The following DDX5 variants were observed in gnomAD, a reference collection of about 807,000 sequenced individuals.
DDX5 encodes the protein DEAD-box helicase 5.
DDX5 carries 6 observed loss-of-function variants against 68.6 expected under a neutral mutation model. The ratio of observed to expected loss-of-function variants is 0.09; its 90% CI spans 0.05 to 0.17. The LOEUF (loss-of-function observed/expected upper bound fraction) is 0.17, where lower values mean the gene tolerates loss of function less well. Among genes scored for constraint, DDX5 ranks in the 10% least tolerant of loss-of-function variants. The pLI is 1.00. For synonymous variants in DDX5, 350 were observed against 247.0 expected, an observed-to-expected ratio of 1.42 and a Z score of -3.91; for missense variants, 499 against 756.1, an observed-to-expected ratio of 0.66 and a Z score of 3.99.
intron 11 of DDX5, chr17:64,500,988 C>A: frequency 1.7e-6 from 1 of 578,146 alleles, no homozygotes; most frequent in Non-Finnish European, 3.1e-6. Context: ...ATCACCCACC[C>A]AGTGACAGAC....
chr17:64,503,737 C>A, intron 5 of DDX5, 66 bp downstream of exon 5: 1 of 1,556,718 alleles, frequency 6.4e-7, no homozygotes. Flanking sequence ...ATGATTACAT[C>A]TTTAGCTATG....
chr17:64,503,420 C>G lies in DDX5; in HGVS notation c.649+10G>C. 6.2e-7 allele frequency: 1 copy of G among 1,614,072 alleles called. No homozygotes were observed. The highest frequency in any genetic ancestry group is 8.5e-7 in the Non-Finnish European group (1 of 1,179,966). ...CACCAATGACAAATAAAACCCTTTTCATTACATACCTCTCTCCAAATCACG... is the reference window on the plus strand; with the variant it reads ...CACCAATGACAAATAAAACCCTTTTGATTACATACCTCTCTCCAAATCACG... On this transcript the variant is annotated intron_variant, in intron 6 of 12. Transcript: ENST00000225792.
Position 64,503,963 on chromosome 17 carries a change from A to C in DDX5, c.441+20T>G. The C allele has an allele frequency of 6.2e-7, 1 of 1,614,136 alleles. No homozygotes were observed. Among genetic ancestry groups the C allele is most frequent in the Non-Finnish European group, 8.5e-7 (1 of 1,180,014 alleles). On this transcript the variant is annotated intron_variant, in intron 4 of 12. Transcript: ENST00000225792. ...TTTCTTGCATATATCAGATCAACTCAAGAGTTCTCCCAAACTTACAGACAA... is the reference window on the plus strand; with the variant it reads ...TTTCTTGCATATATCAGATCAACTCCAGAGTTCTCCCAAACTTACAGACAA...
At chr17:64,504,968 T>C in intron 1 of DDX5, 126 bp from the exon 2 acceptor site, 1 of 789,754 alleles carries the variant, frequency 1.3e-6, no homozygotes, top group Non-Finnish European at 1.9e-6. Context: ...AACCTAGCAC[T>C]GTCCTTCGTG....
intron 1 of DDX5, 186 bp from the exon 2 acceptor site, chr17:64,505,028 A>G: frequency 1.9e-6 from 1 of 537,344 alleles, no homozygotes; most frequent in Non-Finnish European, 3.2e-6. Flanking sequence ...CCGTAGTCCC[A>G]AGTACACATT....
At position 64,505,739 on chromosome 17, in the gene DDX5, G is replaced by A. The variant is rs73993970; in HGVS notation, c.44+337C>T. 2.4e-3 allele frequency: 3,721 copies of A among 1,536,012 alleles called. 78 individuals are homozygous for A. In the African/African-American group the frequency reaches 0.045, roughly 18 times the overall value. Reference sequence around the variant, plus strand: ...CCACCCCAAAAACACCTCCCGAAACGCCGCACCTAACAGATGTTCCTTCGT... The same window carrying A: ...CCACCCCAAAAACACCTCCCGAAACACCGCACCTAACAGATGTTCCTTCGT... On this transcript the variant is annotated intron_variant, in intron 1 of 12. Transcript: ENST00000225792.
At chr17:64,506,516 T>C (rs781792066), upstream of DDX5, 29 of 727,472 alleles carry the variant, frequency 4.0e-5, no homozygotes, top group Non-Finnish European at 5.2e-5. Flanking sequence ...GACCTCACCT[T>C]CTTCTGGTCT....
At chr17:64,506,782 C>T, upstream of DDX5, 1 of 532,618 alleles carries the variant, frequency 1.9e-6, no homozygotes, top group Non-Finnish European at 3.4e-6. Flanking sequence ...CACCCCGGGA[C>T]CCGCCCGGGC....
chr17:64,506,709 CT>C (rs2038547422), upstream of DDX5: 2 of 411,268 alleles, frequency 4.9e-6, no homozygotes, highest in Middle Eastern at 6.7e-4. Context: ...GTCCGCACTA[CT>C]TTCCCGTTGA....
In DDX5 at chr17:64,502,662, G is replaced by C. The variant is rs531211772; in HGVS notation, c.984-113C>G. On this transcript the variant is annotated intron_variant, in intron 8 of 12. Coordinates refer to ENST00000225792, the MANE Select transcript of DDX5 (RefSeq NM_004396.5). Reference sequence around the variant, plus strand: ...TCAATTTACATGGCTGGAAGTCAAAGAGGAAACGCCTGCTAATCCACTTAT... The same window carrying C: ...TCAATTTACATGGCTGGAAGTCAAACAGGAAACGCCTGCTAATCCACTTAT... The C allele has an allele frequency of 1.8e-4, 154 of 835,818 alleles. No homozygotes were observed. In the African/African-American group the frequency reaches 2.2e-3, roughly 12 times the overall value. The allele number at this position is 835,818 out of a possible 1,614,324, so 51.8% of individuals were successfully genotyped here. A position where few individuals can be genotyped will look rare whatever the true frequency, so the allele number is the denominator to read the frequency against.
chr17:64,500,523 C>T, intron 12 of DDX5, 26 bp downstream of exon 12: 1 of 1,598,482 alleles, frequency 6.3e-7, no homozygotes, highest in Non-Finnish European at 8.6e-7. Context: ...TCGTAACTAC[C>T]AACATTTCCT....
chr17:64,505,746 C>G (rs2038470052), intron 1 of DDX5: 1 of 1,536,176 alleles, frequency 6.5e-7, no homozygotes, highest in Non-Finnish European at 8.7e-7. Flanking sequence ...AACGCCGCAC[C>G]TAACAGATGT....
At chr17:64,505,879 T>C (rs1163565763) in intron 1 of DDX5, 197 bp downstream of exon 1, 2 of 1,535,986 alleles carry the variant, frequency 1.3e-6, no homozygotes, top group Non-Finnish European at 1.7e-6. Flanking sequence ...AAAAGCAAGC[T>C]TGAAGACACT....
Position 64,499,674 on chromosome 17 carries a change from A to C in DDX5, c.*249T>G. 2.6e-6 allele frequency: 1 copy of C among 383,962 alleles called. No individual in the cohort carries two copies. Among genetic ancestry groups the C allele is most frequent in the East Asian group, 3.8e-5 (1 of 26,090 alleles). The allele number at this position is 383,962 out of a possible 1,614,324, so 23.8% of individuals were successfully genotyped here. A position where few individuals can be genotyped will look rare whatever the true frequency, so the allele number is the denominator to read the frequency against. On this transcript the variant is annotated 3_prime_UTR_variant, in exon 13 of 13. Transcript: ENST00000225792. ...GCCATGCATTGCCTTCATTTATTGT[A>C]TTTCAAATCACTGTACATTTACTTT...
At chr17:64,500,869 CAAG>C (rs772384983) in intron 11 of DDX5, 96 bp from the exon 12 acceptor site, 1 of 870,204 alleles carries the variant, frequency 1.1e-6, no homozygotes, top group Non-Finnish European at 1.9e-6. Flanking sequence ...ATTGTATTCC[CAAG>C]AAGGTACGGG....
At position 64,500,786 on chromosome 17, in the gene DDX5, G is replaced by T; in HGVS notation, c.1217-13C>A. The T allele has an allele frequency of 6.3e-7, 1 of 1,593,718 alleles. No individual in the cohort carries two copies. The highest frequency in any genetic ancestry group is 8.6e-7 in the Non-Finnish European group (1 of 1,161,620). On this transcript the variant is annotated splice_polypyrimidine_tract_variant and intron_variant, in intron 11 of 12. Coordinates refer to ENST00000225792, the MANE Select transcript of DDX5 (RefSeq NM_004396.5). Reference sequence around the variant, plus strand: ...ACATCTTCCACATCTGTAAGGTGTTGCAGTGTGGCAAAATAGCAATGTACG... The same window carrying T: ...ACATCTTCCACATCTGTAAGGTGTTTCAGTGTGGCAAAATAGCAATGTACG...
chr17:64,500,519 C>T (rs782584228), intron 12 of DDX5, 30 bp downstream of exon 12: 2 of 1,594,952 alleles, frequency 1.3e-6, no homozygotes, highest in South Asian at 1.1e-5. Context: ...TGACTCGTAA[C>T]TACCAACATT....
At position 64,500,023 on chromosome 17, in the gene DDX5, G is replaced by C. The variant is rs782635297; in HGVS notation, c.1745C>G (p.Pro582Arg). 6.2e-7 allele frequency: 1 copy of C among 1,614,208 alleles called. No homozygotes were observed. Among genetic ancestry groups the C allele is most frequent in the Non-Finnish European group, 8.5e-7 (1 of 1,180,034 alleles). Residue 582 changes from proline to arginine, a missense_variant, in exon 13 of 13, where the codon CCA (proline) becomes CGA (arginine). Around this residue, in one of 5 missense-constraint regions of DDX5, gnomAD observed 171 missense variants for 174.8 expected, o/e 0.98. Coordinates refer to ENST00000225792, the MANE Select transcript of DDX5 (RefSeq NM_004396.5). ...TTGGTTCATACCATTGTGCATATTT[G>C]GAACATTACTTCCGTATTGCTGAGT... ...DSTQQYGSNV[P>R]NMHNGMNQQA...
At chr17:64,501,426 T>G (rs185787791) in intron 11 of DDX5, 73 of 156,796 alleles carry the variant, frequency 4.7e-4, no homozygotes, top group Non-Finnish European at 8.5e-4. Flanking sequence ...CCACTTACTA[T>G]GTGTGAGAAG....
Sources: gnomAD v4.1 joint callset for allele counts on GRCh38, gnomAD v4.1.1 for gene constraint, gnomAD v4.1.1 regional missense constraint, MANE v1.5 for transcripts, NCBI Gene and HGNC (gene_info 2026-07-23, HGNC 2026-07-21) for gene names.